SEC22C: variants seen among roughly 807,000 people sequenced by gnomAD.
SEC22C encodes SEC22 homolog C, vesicle trafficking protein, also known as vesicle-trafficking protein SEC22c.
SEC22C carries 29 observed loss-of-function variants against 34.7 expected under a neutral mutation model. The observed-to-expected ratio is 0.84, with a 90% CI of 0.62 to 1.14. The LOEUF is 1.14. Among genes scored for constraint, SEC22C ranks in the 50% most tolerant of loss-of-function variants. The pLI is 0.00. For missense variants in SEC22C, 337 were observed against 369.0 expected, an observed-to-expected ratio of 0.91 and a Z score of 0.71; for synonymous variants, 117 against 132.8, an observed-to-expected ratio of 0.88 and a Z score of 0.82.
At chr3:42,581,129 G>C (rs929511562) in intron 1 of SEC22C, among the ~76,000 whole-genome samples, 1 of 152,182 alleles carries the variant, frequency 6.6e-6, no homozygotes, top group African/African-American at 2.4e-5. Flanking sequence ...ACCATTTCCA[G>C]TTGCTTCCAT....
At chr3:42,589,858 A>G (rs1187433181) in intron 1 of SEC22C, among the ~76,000 whole-genome samples, 1 of 152,190 alleles carries the variant, frequency 6.6e-6, no homozygotes, top group Non-Finnish European at 1.5e-5. Flanking sequence ...ATTCAGTTGC[A>G]GTGGTCACCA....
In SEC22C at chr3:42,553,029, G is replaced by C. The variant is rs1381418012; in HGVS notation, c.*219C>G. 2.2e-6 allele frequency: 3 copies of C among 1,394,834 alleles called. No individual in the cohort carries two copies. Among genetic ancestry groups the C allele is most frequent in the Non-Finnish European group, 2.8e-6 (3 of 1,077,160 alleles). 86.4% of individuals were successfully genotyped at this position (1,394,834 alleles called of 1,614,324 possible). A position where few individuals can be genotyped will look rare whatever the true frequency, so the allele number is the denominator to read the frequency against. ...CTGTCCTAGGTAAACGTGCTGAACT[G>C]GCTGGAGATCCTGCAGTAATGCTTG... On this transcript the variant is annotated 3_prime_UTR_variant, in exon 7 of 7. Transcript: ENST00000264454.
intron 1 of SEC22C, among the ~76,000 whole-genome samples, chr3:42,574,790 A>T (rs1478557991): frequency 6.6e-6 from 1 of 152,192 alleles, no homozygotes; most frequent in Non-Finnish European, 1.5e-5. Context: ...ATACAAAGAG[A>T]TATACTAAAA....
chr3:42,573,341 A>G (rs1319102063), intron 1 of SEC22C: 1 of 152,244 alleles, frequency 6.6e-6, no homozygotes, highest in Admixed American at 6.5e-5. Context: ...CCTGGCCAAC[A>G]CAGTAAAACC....
chr3:42,599,482 G>A (rs1226794700), intron 1 of SEC22C, among the ~76,000 whole-genome samples: 3 of 150,000 alleles, frequency 2.0e-5, no homozygotes, highest in African/African-American at 7.3e-5. Flanking sequence ...CACGAGGTCA[G>A]GAGATCGAGA....
chr3:42,597,983 T>C (rs1446964487), intron 1 of SEC22C, among the ~76,000 whole-genome samples: 3 of 152,356 alleles, frequency 2.0e-5, no homozygotes, highest in South Asian at 2.1e-4. Flanking sequence ...CTGATGGAAA[T>C]GTAAAATAGT....
At chr3:42,581,343 G>A (rs1704329389) in intron 1 of SEC22C, 1 of 152,098 alleles carries the variant, frequency 6.6e-6, no homozygotes, top group African/African-American at 2.4e-5. Flanking sequence ...TATCCTTCTG[G>A]CTCTGGAGGT....
intron 1 of SEC22C, among the ~76,000 whole-genome samples, chr3:42,577,222 A>G (rs1160278568): frequency 6.6e-6 from 1 of 152,222 alleles, no homozygotes; most frequent in Non-Finnish European, 1.5e-5. Context: ...ATATGACACC[A>G]AAAGCATAAT....
intron 1 of SEC22C, among the ~76,000 whole-genome samples, chr3:42,575,183 A>G (rs1038748499): frequency 6.6e-6 from 1 of 152,206 alleles, no homozygotes; most frequent in Non-Finnish European, 1.5e-5. Context: ...CAAATTACCC[A>G]CAAGAAGTCA....
intron 1 of SEC22C, among the ~76,000 whole-genome samples, chr3:42,596,605 A>G (rs1705039020): frequency 6.6e-6 from 1 of 152,256 alleles, no homozygotes; most frequent in African/African-American, 2.4e-5. Context: ...TACTAGCCCT[A>G]GGCCTGCCTT....
Position 42,551,571 on chromosome 3 carries a change from C to T in SEC22C, c.*1677G>A. ...CAGGCTGGTCTCAAACTACTGGCCT[C>T]AACCGAGTCTCCTGCTTTGGCCTTC... On this transcript the variant is annotated 3_prime_UTR_variant, in exon 7 of 7. Transcript: ENST00000264454. 1 of 601,036 alleles carries T rather than the reference C, an allele frequency of 1.7e-6. No individual in the cohort carries two copies. The highest frequency in any genetic ancestry group is 2.1e-6 in the Non-Finnish European group (1 of 479,324). 37.2% of individuals were successfully genotyped at this position (601,036 alleles called of 1,614,324 possible). A position where few individuals can be genotyped will look rare whatever the true frequency, so the allele number is the denominator to read the frequency against.
rs1366308219 is a variant in SEC22C, at chr3:42,568,949, C to T, written c.98G>A (p.Trp33Ter). The T allele has an allele frequency of 6.2e-7, 1 of 1,614,066 alleles. No individual in the cohort carries two copies. The highest frequency in any genetic ancestry group is 1.7e-5 in the Admixed American group (1 of 60,010). The change falls in exon 2 of 7, where the codon TGG becomes TAG. Residue 33 changes from tryptophan (W) to a stop codon, truncating the protein, a stop_gained. Coordinates refer to ENST00000264454, the MANE Select transcript of SEC22C (RefSeq NM_032970.4). LOFTEE classifies it high-confidence loss of function. ...GGCTAAACTCTTGAGCCGTCTCCTCCATTCCAAAAAATCTTGGGTGTGGTA... is the reference window on the plus strand; with the variant it reads ...GGCTAAACTCTTGAGCCGTCTCCTCTATTCCAAAAAATCTTGGGTGTGGTA... Reference protein sequence around the residue: ...DFYHTQDFLEWRRRLKSLALR... With the variant: ...DFYHTQDFLE
At chr3:42,555,038 ATAT>A (rs1702445365) in intron 6 of SEC22C, among the ~76,000 whole-genome samples, 1 of 152,144 alleles carries the variant, frequency 6.6e-6, no homozygotes, top group Admixed American at 6.5e-5. Context: ...ATATATGTAT[ATAT>A]TTTTTAAAAA....
intron 2 of SEC22C, among the ~76,000 whole-genome samples, chr3:42,566,320 G>A (rs928778834): frequency 6.6e-6 from 1 of 152,110 alleles, no homozygotes; most frequent in Non-Finnish European, 1.5e-5. Flanking sequence ...TTTTCCTTTT[G>A]TTTTTATAAT....
intron 5 of SEC22C, 52 bp from the exon 6 acceptor site, chr3:42,556,047 C>G (rs1279331319): frequency 7.0e-7 from 1 of 1,419,332 alleles, no homozygotes; most frequent in Non-Finnish European, 9.9e-7. Context: ...TGAAAGGAAA[C>G]ACTGTGACAT....
At chr3:42,559,408 T>C (rs184539062) in intron 4 of SEC22C, among the ~76,000 whole-genome samples, 5 of 152,320 alleles carry the variant, frequency 3.3e-5, no homozygotes, top group African/African-American at 9.6e-5. Flanking sequence ...AAACAAAACA[T>C]ACATTACAAA....
chr3:42,593,197 G>A (rs1344637846), intron 1 of SEC22C, among the ~76,000 whole-genome samples: 1 of 152,188 alleles, frequency 6.6e-6, no homozygotes, highest in Non-Finnish European at 1.5e-5. Context: ...CAGATCATCT[G>A]AGGTCAGGAG....
At chr3:42,578,795 T>G (rs1161317188) in intron 1 of SEC22C, among the ~76,000 whole-genome samples, 1 of 152,236 alleles carries the variant, frequency 6.6e-6, no homozygotes, top group Non-Finnish European at 1.5e-5. Flanking sequence ...TTAAATATAA[T>G]TTTTAAATAT....
At chr3:42,598,914 T>TCTATAGATCTATAG (rs1705131660) in intron 1 of SEC22C, among the ~76,000 whole-genome samples, 6 of 151,134 alleles carry the variant, frequency 4.0e-5, no homozygotes, top group Non-Finnish European at 8.8e-5. Flanking sequence ...AATGTGTATA[T>TCTATAGATCTATAG]ATATCTATAG....
Sources: allele counts gnomAD v4.1 joint callset (sites outside exome capture counted in the v4.1 genomes callset), GRCh38; gene constraint gnomAD v4.1.1; transcripts MANE v1.5; gene names NCBI Gene and HGNC (gene_info 2026-07-23, HGNC 2026-07-21).